Variants in TBC1D22A observed in about 807,000 individuals in gnomAD.
The protein encoded by TBC1D22A is TBC1 domain family member 22A, also known as putative GTPase activator.
TBC1D22A carries 38 observed loss-of-function variants against 60.2 expected under a neutral mutation model. That is an observed-to-expected ratio of 0.63 (90% confidence interval 0.49 to 0.83). The LOEUF is 0.83. TBC1D22A is among the 40% of genes least tolerant of loss of function. The pLI is 0.00. For synonymous variants in TBC1D22A, 302 were observed against 281.7 expected, an observed-to-expected ratio of 1.07 and a Z score of -0.72; for missense variants, 628 against 701.0, an observed-to-expected ratio of 0.90 and a Z score of 1.18.
chr22:46,976,664 G>A (rs1055478495), intron 9 of TBC1D22A, among the ~76,000 whole-genome samples: 4 of 152,218 alleles, frequency 2.6e-5, no homozygotes, highest in African/African-American at 7.2e-5. Context: ...TTTTGGAACT[G>A]CTCGAACCAT....
intron 4 of TBC1D22A, among the ~76,000 whole-genome samples, chr22:46,868,328 G>C (rs74423790): frequency 6.6e-6 from 1 of 152,064 alleles, no homozygotes; most frequent in Non-Finnish European, 1.5e-5. Context: ...TTTGTTTCAC[G>C]GGCAAAATTA....
rs367776403 is a variant in TBC1D22A, at chr22:46,918,075, A to G, written c.1015+5887A>G. On this transcript the variant is annotated intron_variant, in intron 8 of 12. Coordinates refer to ENST00000337137, the MANE Select transcript of TBC1D22A (RefSeq NM_014346.5). ...ACGAAATGGAGATCGTAATGGCACC[A>G]GTCCCTTGGTTGGTGTGAACACTGA... Among the ~76,000 whole-genome samples, 3 of 152,230 alleles carry G rather than the reference A, an allele frequency of 2.0e-5. No individual in the cohort carries two copies. The East Asian group carries it at 5.8e-4, about 29-fold the overall frequency.
At chr22:47,117,371 C>T (rs1367091454) in intron 12 of TBC1D22A, among the ~76,000 whole-genome samples, 5 of 88,528 alleles carry the variant, frequency 5.6e-5, no homozygotes, top group East Asian at 3.5e-4. Flanking sequence ...CACCCCACAC[C>T]GTGGCATCGA....
chr22:47,093,748 G>A (rs771786324), intron 11 of TBC1D22A, among the ~76,000 whole-genome samples: 9 of 152,144 alleles, frequency 5.9e-5, no homozygotes, highest in Admixed American at 2.0e-4. Context: ...TAATTTATAC[G>A]TCAACTTGGC....
At chr22:46,791,109 G>T (rs186981372) in intron 1 of TBC1D22A, among the ~76,000 whole-genome samples, 2 of 152,100 alleles carry the variant, frequency 1.3e-5, no homozygotes, top group East Asian at 1.9e-4. Flanking sequence ...GGAGTTCAGT[G>T]GTGCAATCTT....
chr22:47,156,843 G>A (rs925001903), intron 12 of TBC1D22A, among the ~76,000 whole-genome samples: 2 of 152,204 alleles, frequency 1.3e-5, no homozygotes, highest in East Asian at 1.9e-4. Context: ...CCGACCACCC[G>A]ATGCTCAGCA....
chr22:47,025,723 AGT>A (rs1035426184), intron 10 of TBC1D22A, among the ~76,000 whole-genome samples: 2 of 152,272 alleles, frequency 1.3e-5, no homozygotes, highest in Admixed American at 6.5e-5. Context: ...TATAGTACTG[AGT>A]GTGTGCGAAG....
intron 4 of TBC1D22A, among the ~76,000 whole-genome samples, chr22:46,801,719 C>T (rs968205065): frequency 6.6e-6 from 1 of 152,206 alleles, no homozygotes; most frequent in East Asian, 1.9e-4. Flanking sequence ...CTCTGGCCCT[C>T]AAGGCTTTCG....
chr22:46,947,408 A>G (rs1341340498), intron 8 of TBC1D22A, among the ~76,000 whole-genome samples: 1 of 152,210 alleles, frequency 6.6e-6, no homozygotes, highest in Non-Finnish European at 1.5e-5. Context: ...AGCGCTGCGC[A>G]TTAAAGGTGG....
chr22:46,974,260 C>T, intron 8 of TBC1D22A, 30 bp from the exon 9 acceptor site: 1 of 1,557,720 alleles, frequency 6.4e-7, no homozygotes, highest in Non-Finnish European at 8.7e-7. Flanking sequence ...GCTAAGTCTC[C>T]TTGTCTTTTG....
intron 8 of TBC1D22A, among the ~76,000 whole-genome samples, chr22:46,912,650 G>C (rs560874316): frequency 2.8e-4 from 43 of 152,108 alleles, no homozygotes; most frequent in Non-Finnish European, 4.6e-4. Flanking sequence ...TCTGCCTCCC[G>C]GGTTCAAGTG....
chr22:46,925,569 T>G (rs935458094), intron 8 of TBC1D22A, among the ~76,000 whole-genome samples: 1 of 152,274 alleles, frequency 6.6e-6, no homozygotes, highest in Non-Finnish European at 1.5e-5. Context: ...AAGCTGTCAC[T>G]TGAATGTTTG....
chr22:47,122,013 G>C (rs2066288041), intron 12 of TBC1D22A, among the ~76,000 whole-genome samples: 1 of 152,204 alleles, frequency 6.6e-6, no homozygotes. Flanking sequence ...TCGCTGACAT[G>C]CACATGTGCA....
intron 11 of TBC1D22A, among the ~76,000 whole-genome samples, chr22:47,049,710 T>C (rs1453684534): frequency 1.3e-5 from 2 of 152,210 alleles, no homozygotes; most frequent in Non-Finnish European, 2.9e-5. Context: ...TCATAATGCT[T>C]TCTGTGTTAG....
intron 7 of TBC1D22A, among the ~76,000 whole-genome samples, chr22:46,906,062 G>GGACCTGC (rs1161737502): frequency 5.9e-5 from 9 of 152,098 alleles, no homozygotes; most frequent in African/African-American, 2.2e-4. Context: ...GGGGCGCCTG[G>GGACCTGC]GACCTGCGAC....
At chr22:46,941,415 C>T (rs116393575) in intron 8 of TBC1D22A, among the ~76,000 whole-genome samples, 12,304 of 81,290 alleles carry the variant, frequency 0.15, 1,702 homozygotes, top group African/African-American at 0.24. Context: ...AATATATATA[C>T]GGAATATACA....
intron 4 of TBC1D22A, among the ~76,000 whole-genome samples, chr22:46,850,828 A>T (rs1253397120): frequency 1.3e-5 from 2 of 152,266 alleles, no homozygotes; most frequent in African/African-American, 4.8e-5. Context: ...GATAAAGAAA[A>T]ATAGTCTCTC....
At chr22:47,136,142 AG>A (rs2147128819) in intron 12 of TBC1D22A, among the ~76,000 whole-genome samples, 1 of 152,366 alleles carries the variant, frequency 6.6e-6, no homozygotes, top group Admixed American at 6.5e-5. Context: ...TCGGGGGCCA[AG>A]GCCCAGGCTC....
At chr22:46,816,160 G>C (rs1366106826) in intron 4 of TBC1D22A, among the ~76,000 whole-genome samples, 2 of 152,188 alleles carry the variant, frequency 1.3e-5, no homozygotes, top group African/African-American at 4.8e-5. Flanking sequence ...CCGGCCGCCT[G>C]CCTGCCTGCT....
Sources: gnomAD v4.1 joint callset for allele counts (sites outside exome capture counted in the v4.1 genomes callset) on GRCh38, gnomAD v4.1.1 for gene constraint, MANE v1.5 for transcripts, NCBI Gene and HGNC (gene_info 2026-07-23, HGNC 2026-07-21) for gene names.